Variants in PCDH15 observed in about 807,000 individuals in gnomAD.
PCDH15 encodes protocadherin-15.
Under a neutral mutation model 178.5 loss-of-function variants are expected in PCDH15, and 129 were observed. That is an observed-to-expected ratio of 0.72 (90% CI 0.63 to 0.84). The LOEUF is 0.84. Ranked by LOEUF, PCDH15 falls within the 40% of genes least tolerant of loss-of-function variation. The probability of loss-of-function intolerance (pLI) is 0.00; values close to 1 mark genes in which losing one functional copy is unlikely to be tolerated. For synonymous variants in PCDH15, 800 were observed against 732.0 expected, an observed-to-expected ratio of 1.09 and a Z score of -1.50; for missense variants, 2,230 against 2,099.9, an observed-to-expected ratio of 1.06 and a Z score of -1.21.
chr10:54,793,251 C>T (rs1286111969), intron 1 of PCDH15, among the ~76,000 whole-genome samples: 1 of 151,788 alleles, frequency 6.6e-6, no homozygotes, highest in African/African-American at 2.4e-5. Flanking sequence ...GCCTCCACAC[C>T]CATTCTGCAG....
chr10:54,690,855 A>T (rs1355902691), intron 1 of PCDH15, among the ~76,000 whole-genome samples: 2 of 152,090 alleles, frequency 1.3e-5, no homozygotes, highest in Non-Finnish European at 2.9e-5. Flanking sequence ...TTAGGTGCAT[A>T]AGAAGATGAC....
At chr10:54,526,720 A>G (rs2083396684) in intron 3 of PCDH15, among the ~76,000 whole-genome samples, 1 of 152,178 alleles carries the variant, frequency 6.6e-6, no homozygotes, top group East Asian at 1.9e-4. Context: ...TAATACTTAA[A>G]TTTGTTTAAT....
chr10:55,123,467 AG>A (rs1486747003), intron 2 of PCDH15, among the ~76,000 whole-genome samples: 1 of 152,154 alleles, frequency 6.6e-6, no homozygotes, highest in Non-Finnish European at 1.5e-5. Flanking sequence ...ATCTGAGCAC[AG>A]TGTTGTAAAT....
chr10:53,946,728 T>C (rs1047275556), intron 23 of PCDH15, among the ~76,000 whole-genome samples: 1 of 152,228 alleles, frequency 6.6e-6, no homozygotes, highest in Non-Finnish European at 1.5e-5. Context: ...GGAATTCGCA[T>C]GCACAATACT....
chr10:54,699,284 C>G (rs868606167), intron 1 of PCDH15, among the ~76,000 whole-genome samples: 4 of 151,970 alleles, frequency 2.6e-5, no homozygotes, highest in Admixed American at 6.6e-5. Flanking sequence ...AAACTAGTCA[C>G]TTACATGTTC....
At position 54,305,276 on chromosome 10, in the gene PCDH15, G is replaced by A. The variant is rs368086290; in HGVS notation, c.876+11995C>T. Among the ~76,000 whole-genome samples the A allele has an allele frequency of 1.6e-3, 245 of 151,978 alleles. 1 individual carries two copies. Among genetic ancestry groups the A allele is most frequent in the African/African-American group, 3.5e-3 (144 of 41,494 alleles). ...GTAACATAAATTTAGTTTTGCTAACGAATACATCAGAGAGAAATATATCTC... is the reference window on the plus strand; with the variant it reads ...GTAACATAAATTTAGTTTTGCTAACAAATACATCAGAGAGAAATATATCTC... On this transcript the variant is annotated intron_variant, in intron 8 of 37. Coordinates refer to ENST00000644397, the MANE Select transcript of PCDH15 (RefSeq NM_001384140.1).
intron 2 of PCDH15, among the ~76,000 whole-genome samples, chr10:55,546,734 T>G (rs1461502478): frequency 6.6e-6 from 1 of 152,164 alleles, no homozygotes; most frequent in African/African-American, 2.4e-5. Context: ...ATTTGTCTAT[T>G]TTTACTGATA....
intron 20 of PCDH15, among the ~76,000 whole-genome samples, chr10:54,012,523 A>G (rs186150455): frequency 4.3e-4 from 66 of 152,256 alleles, no homozygotes; most frequent in African/African-American, 1.4e-3. Flanking sequence ...AATGAAAGAA[A>G]AAAATATAAA....
chr10:55,155,364 T>C (rs374174192), intron 2 of PCDH15, among the ~76,000 whole-genome samples: 3 of 151,210 alleles, frequency 2.0e-5, no homozygotes, highest in Non-Finnish European at 2.9e-5. Flanking sequence ...GTTATTTTGA[T>C]AAAAATTTAG....
chr10:55,029,585 C>A (rs999367275), intron 2 of PCDH15, among the ~76,000 whole-genome samples: 2 of 151,934 alleles, frequency 1.3e-5, no homozygotes, highest in African/African-American at 4.8e-5. Flanking sequence ...GGGAGAAAAT[C>A]AAACTAAACA....
At chr10:54,170,950 G>T (rs555916339) in intron 13 of PCDH15, among the ~76,000 whole-genome samples, 2 of 151,996 alleles carry the variant, frequency 1.3e-5, no homozygotes, top group Non-Finnish European at 2.9e-5. Context: ...CATCAAGTTC[G>T]AGGATTTGCC....
chr10:54,580,959 A>G (rs185800204), intron 2 of PCDH15, among the ~76,000 whole-genome samples: 3 of 152,144 alleles, frequency 2.0e-5, no homozygotes, highest in African/African-American at 7.2e-5. Flanking sequence ...CCTAAAAATA[A>G]TAAGAGTCAT....
intron 3 of PCDH15, among the ~76,000 whole-genome samples, chr10:54,388,770 C>T (rs1266844408): frequency 1.3e-5 from 2 of 152,132 alleles, no homozygotes; most frequent in South Asian, 2.1e-4. Flanking sequence ...ATTGGAAAGA[C>T]GTTCTCTGAG....
At chr10:54,508,478 A>G (rs1249048107) in intron 3 of PCDH15, among the ~76,000 whole-genome samples, 4 of 152,132 alleles carry the variant, frequency 2.6e-5, no homozygotes, top group Non-Finnish European at 4.4e-5. Flanking sequence ...GATTTCATCT[A>G]CCCAACCTAC....
chr10:55,464,547 T>C (rs1839786986), intron 2 of PCDH15, among the ~76,000 whole-genome samples: 1 of 151,626 alleles, frequency 6.6e-6, no homozygotes, highest in African/African-American at 2.4e-5. Flanking sequence ...TCACCACCTC[T>C]ATTCCAGAGG....
At chr10:54,828,487 G>A (rs199830530) in intron 3 of PCDH15, among the ~76,000 whole-genome samples, 133 of 49,106 alleles carry the variant, frequency 2.7e-3, no homozygotes, top group African/African-American at 8.5e-3. Context: ...ATATATGTAT[G>A]TGTATGTGTA....
At chr10:55,223,309 TTAAC>T (rs1840937720) in intron 1 of PCDH15, among the ~76,000 whole-genome samples, 1 of 152,126 alleles carries the variant, frequency 6.6e-6, no homozygotes, top group South Asian at 2.1e-4. Flanking sequence ...ATCTACAACT[TTAAC>T]TACAATAACC....
At chr10:55,100,486 A>T (rs1779261) in intron 2 of PCDH15, among the ~76,000 whole-genome samples, 68,673 of 152,004 alleles carry the variant, frequency 0.45, 19,212 homozygotes, top group African/African-American at 0.79. Flanking sequence ...AAAGTGTATT[A>T]GTTTATGGTT....
At chr10:54,910,953 T>G (rs1415543906) in intron 2 of PCDH15, among the ~76,000 whole-genome samples, 5 of 152,126 alleles carry the variant, frequency 3.3e-5, no homozygotes, top group Admixed American at 2.0e-4. Context: ...ACAGGGTGAA[T>G]CAGCGTAGTA....
Sources: gnomAD v4.1 joint callset for allele counts (sites outside exome capture counted in the v4.1 genomes callset) on GRCh38, gnomAD v4.1.1 for gene constraint, MANE v1.5 for transcripts, NCBI Gene and HGNC (gene_info 2026-07-23, HGNC 2026-07-21) for gene names.